Variants in CDH13 observed in about 807,000 individuals in gnomAD.
CDH13 encodes cadherin 13.
A neutral mutation model predicts 63.8 loss-of-function variants in CDH13; 24 were observed. The ratio of observed to expected loss-of-function variants is 0.38; its 90% CI spans 0.27 to 0.53. The LOEUF is 0.53. Ranked by LOEUF, CDH13 falls within the 20% of genes least tolerant of loss-of-function variation. The probability of loss-of-function intolerance (pLI) is 0.85; values close to 1 mark genes in which losing one functional copy is unlikely to be tolerated. For synonymous variants in CDH13, 503 were observed against 355.3 expected (o/e 1.42, Z -4.67); for missense variants, 1,049 against 903.1 (o/e 1.16, Z -2.07).
intron 2 of CDH13, among the ~76,000 whole-genome samples, chr16:82,999,294 T>C (rs1224940672): frequency 6.6e-6 from 1 of 152,176 alleles, no homozygotes; most frequent in African/African-American, 2.4e-5. Flanking sequence ...ATGGCTCAAC[T>C]GTTGGTGCAC....
intron 3 of CDH13, among the ~76,000 whole-genome samples, chr16:83,069,454 T>A (rs747308112): frequency 1.7e-4 from 26 of 152,226 alleles, no homozygotes; most frequent in Non-Finnish European, 1.6e-4. Context: ...GAACATTTCA[T>A]GTATGTAACA....
chr16:83,570,952 T>G (rs1221563485), intron 7 of CDH13, among the ~76,000 whole-genome samples: 4 of 132,774 alleles, frequency 3.0e-5, no homozygotes, highest in African/African-American at 1.1e-4. Flanking sequence ...CATCCATATA[T>G]ATATATATAT....
At chr16:82,937,152 T>G (rs561986633) in intron 2 of CDH13, among the ~76,000 whole-genome samples, 6 of 152,328 alleles carry the variant, frequency 3.9e-5, no homozygotes, top group African/African-American at 1.4e-4. Flanking sequence ...TCCCTCTTGA[T>G]AGGGTGGTCA....
chr16:83,149,555 T>C (rs1396898471), intron 4 of CDH13, among the ~76,000 whole-genome samples: 1 of 152,218 alleles, frequency 6.6e-6, no homozygotes, highest in African/African-American at 2.4e-5. Flanking sequence ...TTAGGTAGGA[T>C]ACCCCCATAC....
chr16:82,673,891 T>C (rs1294993081), intron 1 of CDH13, among the ~76,000 whole-genome samples: 1 of 152,230 alleles, frequency 6.6e-6, no homozygotes, highest in Non-Finnish European at 1.5e-5. Context: ...AAAACTAAAA[T>C]TCTATCCAGG....
At chr16:82,934,691 T>C (rs990486944) in intron 2 of CDH13, among the ~76,000 whole-genome samples, 7 of 152,126 alleles carry the variant, frequency 4.6e-5, no homozygotes, top group Non-Finnish European at 1.0e-4. Flanking sequence ...ATACCCTACA[T>C]CATCTCTCTC....
intron 7 of CDH13, among the ~76,000 whole-genome samples, chr16:83,527,537 C>G (rs1277053109): frequency 6.6e-6 from 1 of 152,168 alleles, no homozygotes; most frequent in Non-Finnish European, 1.5e-5. Context: ...GAGAGAAAAA[C>G]TACATCTACC....
intron 8 of CDH13, among the ~76,000 whole-genome samples, chr16:83,647,441 T>G (rs1178345821): frequency 6.6e-6 from 1 of 152,206 alleles, no homozygotes; most frequent in Non-Finnish European, 1.5e-5. Context: ...CTCCCCCATT[T>G]TGCTTGTGCT....
At chr16:83,306,073 T>C (rs1158994942) in intron 5 of CDH13, among the ~76,000 whole-genome samples, 2 of 151,916 alleles carry the variant, frequency 1.3e-5, no homozygotes, top group Admixed American at 6.6e-5. Context: ...TGTAGATACC[T>C]GTAGCATTCT....
chr16:83,696,214 A>G (rs1454585414), intron 10 of CDH13, among the ~76,000 whole-genome samples: 1 of 152,202 alleles, frequency 6.6e-6, no homozygotes, highest in South Asian at 2.1e-4. Context: ...CAACAGGGAA[A>G]CATTTCTTTC....
chr16:83,206,454 G>A (rs1259805137), intron 4 of CDH13, among the ~76,000 whole-genome samples: 1 of 152,186 alleles, frequency 6.6e-6, no homozygotes, highest in African/African-American at 2.4e-5. Flanking sequence ...GATCCCTGAG[G>A]AGCTGTGCCC....
intron 6 of CDH13, among the ~76,000 whole-genome samples, chr16:83,345,861 T>C (rs886542606): frequency 2.0e-5 from 3 of 152,084 alleles, no homozygotes; most frequent in Non-Finnish European, 4.4e-5. Context: ...TATGCCCAAA[T>C]AGGTAAAATA....
chr16:82,763,707 G>T (rs976332603), intron 1 of CDH13, among the ~76,000 whole-genome samples: 3 of 152,106 alleles, frequency 2.0e-5, no homozygotes, highest in Admixed American at 1.3e-4. Flanking sequence ...TTTTGAAACA[G>T]AGTCTCACTA....
intron 7 of CDH13, among the ~76,000 whole-genome samples, chr16:83,532,595 A>G (rs2075104480): frequency 6.6e-6 from 1 of 152,234 alleles, no homozygotes; most frequent in African/African-American, 2.4e-5. Flanking sequence ...GAATGAATAA[A>G]TGGCTGCTTG....
chr16:82,827,212 A>G (rs1457879605), intron 1 of CDH13, among the ~76,000 whole-genome samples: 1 of 152,190 alleles, frequency 6.6e-6, no homozygotes, highest in Non-Finnish European at 1.5e-5. Context: ...TTAGGTTTGT[A>G]ATTTCCCAGA....
intron 6 of CDH13, among the ~76,000 whole-genome samples, chr16:83,391,997 G>A (rs1335342968): frequency 6.6e-6 from 1 of 152,114 alleles, no homozygotes; most frequent in African/African-American, 2.4e-5. Context: ...ATGTAGTCAG[G>A]AGCTCCATGC....
intron 6 of CDH13, among the ~76,000 whole-genome samples, chr16:83,451,339 T>C (rs777550656): frequency 6.6e-6 from 1 of 152,108 alleles, no homozygotes; most frequent in Non-Finnish European, 1.5e-5. Context: ...CTCCCCTTTA[T>C]AAAACCATCA....
At chr16:82,718,641 C>T (rs987652689) in intron 1 of CDH13, among the ~76,000 whole-genome samples, 6 of 152,144 alleles carry the variant, frequency 3.9e-5, no homozygotes, top group African/African-American at 1.4e-4. Context: ...CTGGGGAGGC[C>T]TGGCAATCAT....
intron 1 of CDH13, among the ~76,000 whole-genome samples, chr16:82,640,279 A>T (rs1385876645): frequency 6.6e-6 from 1 of 152,198 alleles, no homozygotes; most frequent in Non-Finnish European, 1.5e-5. Flanking sequence ...CGTTTGTGAA[A>T]GGAAGTTAGT....
Sources: gnomAD v4.1 joint callset for allele counts (sites outside exome capture counted in the v4.1 genomes callset) on GRCh38, gnomAD v4.1.1 for gene constraint, MANE v1.5 for transcripts, NCBI Gene and HGNC (gene_info 2026-07-23, HGNC 2026-07-21) for gene names.